ELMO1: variants seen among roughly 807,000 people sequenced by gnomAD.
ELMO1 encodes the protein engulfment and cell motility 1, also known as engulfment and cell motility protein 1.
ELMO1 carries 26 observed loss-of-function variants against 98.9 expected under a neutral mutation model. That is an observed-to-expected ratio of 0.26 (90% CI 0.19 to 0.36). The LOEUF (loss-of-function observed/expected upper bound fraction) is 0.36. ELMO1 is among the 10% of genes least tolerant of loss of function. The probability of loss-of-function intolerance (pLI) is 1.00; values close to 1 mark genes in which losing one functional copy is unlikely to be tolerated. For missense variants in ELMO1, 627 were observed against 935.2 expected (o/e 0.67, Z 4.30); for synonymous variants, 346 against 346.0 (o/e 1.00, Z 0.00).
chr7:37,104,143 C>T (rs1019884166), intron 14 of ELMO1, among the ~76,000 whole-genome samples: 15 of 151,636 alleles, frequency 9.9e-5, no homozygotes, highest in Non-Finnish European at 2.1e-4. Context: ...ACCACCTCCC[C>T]GGGTGTTGTC....
chr7:37,210,430 C>T (rs1792888977), intron 13 of ELMO1, among the ~76,000 whole-genome samples: 1 of 151,740 alleles, frequency 6.6e-6, no homozygotes, highest in African/African-American at 2.4e-5. Flanking sequence ...TCAAATAACA[C>T]ATAAAGCATG....
intron 13 of ELMO1, among the ~76,000 whole-genome samples, chr7:37,141,060 T>C (rs1349060480): frequency 1.3e-5 from 2 of 152,206 alleles, no homozygotes; most frequent in African/African-American, 4.8e-5. Flanking sequence ...GAAGTCATTA[T>C]ATGAAAAAGA....
intron 14 of ELMO1, among the ~76,000 whole-genome samples, chr7:37,121,926 C>G (rs1038805257): frequency 6.6e-6 from 1 of 152,224 alleles, no homozygotes; most frequent in African/African-American, 2.4e-5. Context: ...ATCAGACTAA[C>G]AGCTGATCTC....
chr7:37,288,767 T>A (rs1797529728), intron 4 of ELMO1, among the ~76,000 whole-genome samples: 2 of 152,238 alleles, frequency 1.3e-5, no homozygotes, highest in Non-Finnish European at 2.9e-5. Context: ...CCTTAAGCCC[T>A]CAATTCTGGA....
intron 1 of ELMO1, among the ~76,000 whole-genome samples, chr7:37,396,168 G>A (rs947659126): frequency 1.3e-5 from 2 of 151,892 alleles, no homozygotes; most frequent in African/African-American, 4.8e-5. Flanking sequence ...TCTTGTATCA[G>A]GCCACTTGAA....
At chr7:37,060,260 T>C (rs1369531471) in intron 15 of ELMO1, among the ~76,000 whole-genome samples, 2 of 152,118 alleles carry the variant, frequency 1.3e-5, no homozygotes. Context: ...TTCTTTTCAG[T>C]TGGAAATGGG....
intron 16 of ELMO1, among the ~76,000 whole-genome samples, chr7:36,989,145 A>C (rs80080599): frequency 0.077 from 11,755 of 152,328 alleles, 612 homozygotes; most frequent in Middle Eastern, 0.19. Context: ...AGTGCATTCT[A>C]AGCACTTTGT....
At chr7:37,118,043 G>T (rs189707092) in intron 14 of ELMO1, among the ~76,000 whole-genome samples, 70 of 152,354 alleles carry the variant, frequency 4.6e-4, no homozygotes, top group African/African-American at 1.6e-3. Context: ...AAACTGTTGT[G>T]CACTAAGCAT....
At chr7:37,261,222 C>T (rs1174153610) in intron 5 of ELMO1, among the ~76,000 whole-genome samples, 1 of 152,162 alleles carries the variant, frequency 6.6e-6, no homozygotes, top group Non-Finnish European at 1.5e-5. Flanking sequence ...CAGGTAGGTC[C>T]TATCATAGGC....
intron 5 of ELMO1, among the ~76,000 whole-genome samples, chr7:37,267,399 T>C (rs1796319870): frequency 1.3e-5 from 2 of 152,228 alleles, no homozygotes; most frequent in African/African-American, 4.8e-5. Context: ...GGTTCCTAGT[T>C]TTTGATCACT....
At chr7:36,939,052 C>T (rs117274263) in intron 16 of ELMO1, among the ~76,000 whole-genome samples, 5,151 of 151,054 alleles carry the variant, frequency 0.034, 126 homozygotes, top group Middle Eastern at 0.099. Flanking sequence ...ATAGACATTG[C>T]TAATTAAAAA....
rs531393592 is a variant in ELMO1, at chr7:37,169,349, G to A, written c.1087-36115C>T. Among the ~76,000 whole-genome samples the A allele has an allele frequency of 2.0e-5, 3 of 152,280 alleles. No individual in the cohort carries two copies. The South Asian group carries it at 6.2e-4, about 32-fold the overall frequency. On this transcript the variant is annotated intron_variant, in intron 13 of 21. Coordinates refer to ENST00000310758, the MANE Select transcript of ELMO1 (RefSeq NM_014800.11). ...TCGTGCATCGTGCACTGCACCCAATGACCTGCGCCCACTGTCTGGCACTCC... is the reference window on the plus strand; with the variant it reads ...TCGTGCATCGTGCACTGCACCCAATAACCTGCGCCCACTGTCTGGCACTCC...
intron 17 of ELMO1, among the ~76,000 whole-genome samples, chr7:36,894,417 C>G (rs1805811551): frequency 1.3e-5 from 2 of 152,150 alleles, no homozygotes; most frequent in South Asian, 4.1e-4. Flanking sequence ...GCTCTCACTC[C>G]CACTCATTTA....
intron 19 of ELMO1, among the ~76,000 whole-genome samples, chr7:36,873,291 A>G (rs553968032): frequency 6.6e-6 from 1 of 151,956 alleles, no homozygotes; most frequent in Non-Finnish European, 1.5e-5. Flanking sequence ...GGTCAGACTC[A>G]TATCTCCAGA....
intron 13 of ELMO1, among the ~76,000 whole-genome samples, chr7:37,209,791 C>T (rs111459447): frequency 5.3e-5 from 8 of 152,186 alleles, no homozygotes; most frequent in African/African-American, 1.9e-4. Context: ...CTTTGGTCAT[C>T]GACACACAAG....
At chr7:36,976,884 A>G (rs1790598580) in intron 16 of ELMO1, among the ~76,000 whole-genome samples, 1 of 152,188 alleles carries the variant, frequency 6.6e-6, no homozygotes, top group South Asian at 2.1e-4. Context: ...CAGGTTGAAG[A>G]TTACTTTTCC....
At chr7:37,025,847 A>G (rs1584532304) in intron 15 of ELMO1, among the ~76,000 whole-genome samples, 1 of 150,896 alleles carries the variant, frequency 6.6e-6, no homozygotes, top group South Asian at 2.1e-4. Flanking sequence ...CTATATATAC[A>G]TGAGATTTAT....
chr7:37,372,274 C>G (rs756481573), intron 1 of ELMO1, among the ~76,000 whole-genome samples: 1 of 152,134 alleles, frequency 6.6e-6, no homozygotes, highest in Non-Finnish European at 1.5e-5. Flanking sequence ...AAGACCATAA[C>G]CTCTGAGGTC....
At chr7:36,908,295 C>A (rs1784106041) in intron 16 of ELMO1, among the ~76,000 whole-genome samples, 1 of 152,114 alleles carries the variant, frequency 6.6e-6, no homozygotes, top group Admixed American at 6.5e-5. Context: ...TTAGCACAAC[C>A]ACCATTTTCC....
Sources: allele counts gnomAD v4.1 joint callset (sites outside exome capture counted in the v4.1 genomes callset), GRCh38; gene constraint gnomAD v4.1.1; transcripts MANE v1.5; gene names NCBI Gene and HGNC (gene_info 2026-07-23, HGNC 2026-07-21).